PLAGL1: variants seen among roughly 807,000 people sequenced by gnomAD.
The protein encoded by PLAGL1 is zinc finger protein PLAGL1.
PLAGL1 carries 1 observed loss-of-function variant against 4.6 expected under a neutral mutation model. The ratio of observed to expected loss-of-function variants is 0.22; its 90% confidence interval spans 0.08 to 1.03. PLAGL1 has a LOEUF of 1.03. Ranked by LOEUF, PLAGL1 falls within the 50% of genes least tolerant of loss-of-function variation. The pLI is 0.58. For missense variants in PLAGL1, 464 were observed against 570.4 expected (o/e 0.81, Z 1.90); for synonymous variants, 240 against 237.8 (o/e 1.01, Z -0.08).
chr6:143,988,935 C>G (rs1198966200), intron 1 of PLAGL1, among the ~76,000 whole-genome samples: 1 of 152,150 alleles, frequency 6.6e-6, no homozygotes, highest in Non-Finnish European at 1.5e-5. Context: ...TTTGGGGGGA[C>G]ACACACATTC....
rs528015255 is a variant in PLAGL1, at chr6:143,963,634, G to T, written c.-399+1153C>A. Among the ~76,000 whole-genome samples, 1 of 152,274 alleles carries T rather than the reference G, an allele frequency of 6.6e-6. No homozygotes were observed. Among genetic ancestry groups the T allele is most frequent in the East Asian group, 1.9e-4 (1 of 5,184 alleles). On this transcript the variant is annotated intron_variant, in intron 5 of 7. Coordinates refer to ENST00000674357, the MANE Select transcript of PLAGL1 (RefSeq NM_001317162.2). This position sits in a 1 kb window ranked among gnomAD's most constrained non-coding sequence, Gnocchi z 6.1. The stretch of plus-strand genomic sequence containing the variant: ...AGTTAAGCTTGCTGTAGAATCCAGG[G>T]TGCGTGTCAAAAGTCAACCTCTTCC...
Position 144,022,577 on chromosome 6 carries a change from AT to A in PLAGL1, c.-151+41890del, listed in dbSNP as rs1796046967. Among the ~76,000 whole-genome samples the A allele has an allele frequency of 6.6e-6, 1 of 152,038 alleles. No homozygotes were observed. Among genetic ancestry groups the A allele is most frequent in the Admixed American group, 6.5e-5 (1 of 15,268 alleles). ...ATAATTCCCATGTGTTGTGGGAGGG[AT>A]CTGGTGCTGGTAATTGAATCATGGG... On this transcript the variant is annotated intron_variant, in intron 1 of 3. Coordinates refer to the PLAGL1 transcript ENST00000437412. This position sits in a 1 kb window ranked among gnomAD's most constrained non-coding sequence, Gnocchi z 4.2.
rs1298492867 is a variant in PLAGL1 at position 143,964,350 on chromosome 6, A to T, written c.-399+437T>A. On this transcript the variant is annotated intron_variant, in intron 5 of 7. Coordinates refer to ENST00000674357, the MANE Select transcript of PLAGL1 (RefSeq NM_001317162.2). This position sits in a 1 kb window ranked among gnomAD's most constrained non-coding sequence, Gnocchi z 4.3. Reference sequence around the variant, plus strand: ...TCCTCATCTTCCAGAGGCCATGAAAATCTCCAGGTCCTAGGACACACTCCA... The same window carrying T: ...TCCTCATCTTCCAGAGGCCATGAAATTCTCCAGGTCCTAGGACACACTCCA... Among the ~76,000 whole-genome samples the T allele has an allele frequency of 6.6e-6, 1 of 152,052 alleles. No individual in the cohort carries two copies. The highest frequency in any genetic ancestry group is 1.5e-5 in the Non-Finnish European group (1 of 68,012).
rs1302284602 is a variant in PLAGL1 at position 144,006,942 on chromosome 6, G to A, written c.-584+1148C>T. The A allele has an allele frequency of 6.6e-6, 1 of 152,076 alleles. No individual in the cohort carries two copies. The highest frequency in any genetic ancestry group is 1.5e-5 in the Non-Finnish European group (1 of 68,022). The allele number at this position is 152,076 out of a possible 1,614,324, so 9.4% of individuals were successfully genotyped here. A position where few individuals can be genotyped will look rare whatever the true frequency, so the allele number is the denominator to read the frequency against. Reference sequence around the variant, plus strand: ...GAGAGACACTGATGTTCTATTCTCCGTCTGTGTTTTACAAATTCTGATCAT... The same window carrying A: ...GAGAGACACTGATGTTCTATTCTCCATCTGTGTTTTACAAATTCTGATCAT... On this transcript the variant is annotated intron_variant, in intron 1 of 7. Transcript: ENST00000674357. This position sits in a 1 kb window ranked among gnomAD's most constrained non-coding sequence, Gnocchi z 4.3.
chr6:144,009,343 C>T (rs1378846831), upstream of PLAGL1, among the ~76,000 whole-genome samples: 2 of 152,120 alleles, frequency 1.3e-5, no homozygotes, highest in African/African-American at 2.4e-5. Context: ...TTATTTAGTT[C>T]TTGATGGACT....
At position 143,970,013 on chromosome 6, in the gene PLAGL1, G is replaced by T. The variant is rs13218225; in HGVS notation, c.-543-1035C>A. On this transcript the variant is annotated intron_variant, in intron 2 of 7. Coordinates refer to ENST00000674357, the MANE Select transcript of PLAGL1 (RefSeq NM_001317162.2). The surrounding 1 kb of genome is among the most constrained non-coding windows in gnomAD (Gnocchi z 5.8). The stretch of plus-strand genomic sequence containing the variant: ...GTGAAAATAATGAAGACAGGAAATA[G>T]ATCAATAACTTAAACCCATCAACCC... Among the ~76,000 whole-genome samples, 13,677 of 152,130 alleles carry T rather than the reference G, an allele frequency of 0.09. 786 individuals carry two copies. Among genetic ancestry groups the T allele is most frequent in the Non-Finnish European group, 0.14 (9,471 of 67,956 alleles).
rs1583944743 is a variant in PLAGL1 at position 144,063,884 on chromosome 6, C to T, written c.-151+584G>A. The stretch of plus-strand genomic sequence containing the variant: ...CGGTAATCCGGGGTGACGCCACGGC[C>T]CAGGTCTCTTTTCTCCCGGAGTCTG... On this transcript the variant is annotated intron_variant, in intron 1 of 3. Transcript: ENST00000437412. The surrounding 1 kb of genome is among the most constrained non-coding windows in gnomAD (Gnocchi z 5.7). Among the ~76,000 whole-genome samples the T allele has an allele frequency of 6.6e-6, 1 of 152,164 alleles. No homozygotes were observed. Among genetic ancestry groups the T allele is most frequent in the East Asian group, 1.9e-4 (1 of 5,178 alleles).
chr6:144,043,029 C>A (rs1406440543), intron 1 of PLAGL1, among the ~76,000 whole-genome samples: 2 of 152,116 alleles, frequency 1.3e-5, no homozygotes, highest in Non-Finnish European at 2.9e-5. Flanking sequence ...GATTTTGTAT[C>A]CTAAGACTTT....
At chr6:144,043,170 T>G (rs533579724) in intron 1 of PLAGL1, among the ~76,000 whole-genome samples, 1 of 152,334 alleles carries the variant, frequency 6.6e-6, no homozygotes, top group East Asian at 1.9e-4. Flanking sequence ...CTTTATTTCT[T>G]TCTTTTGCCT....
chr6:144,062,470 CAAAAAAAA>C (rs543521128), intron 1 of PLAGL1, among the ~76,000 whole-genome samples: 105 of 75,722 alleles, frequency 1.4e-3, no homozygotes, highest in Middle Eastern at 9.3e-3. Flanking sequence ...GTTATCAGAC[CAAAAAAAA>C]AAAAAAAAAA....
At chr6:144,013,056 G>C (rs191001353), upstream of PLAGL1, among the ~76,000 whole-genome samples, 2 of 152,334 alleles carry the variant, frequency 1.3e-5, no homozygotes, top group Admixed American at 1.3e-4. This position sits in a 1 kb window ranked among gnomAD's most constrained non-coding sequence, Gnocchi z 4.4. Context: ...CTGGACCCAA[G>C]GGTTGCCAGC....
upstream of PLAGL1, among the ~76,000 whole-genome samples, chr6:144,011,579 T>C (rs141843820): frequency 1.2e-3 from 178 of 152,306 alleles, no homozygotes; most frequent in African/African-American, 4.1e-3. This position sits in a 1 kb window ranked among gnomAD's most constrained non-coding sequence, Gnocchi z 4.3. Flanking sequence ...AATTTATAGA[T>C]TATGTTCTTT....
chr6:143,970,627 G>C lies in PLAGL1; in HGVS notation c.-543-1649C>G, dbSNP rs1255596370. ...TGGGTGGACGGGAAACTGTCTAAGA[G>C]GGAAATATCTGGTATTTTTCTACTA... On this transcript the variant is annotated intron_variant, in intron 2 of 7. Transcript: ENST00000674357. This position sits in a 1 kb window ranked among gnomAD's most constrained non-coding sequence, Gnocchi z 5.8. Among the ~76,000 whole-genome samples the C allele has an allele frequency of 6.6e-6, 1 of 152,126 alleles. No individual in the cohort carries two copies. The highest frequency in any genetic ancestry group is 6.6e-5 in the Admixed American group (1 of 15,264).
chr6:143,981,636 A>G (rs1234757818), intron 2 of PLAGL1, among the ~76,000 whole-genome samples: 1 of 152,006 alleles, frequency 6.6e-6, no homozygotes, highest in African/African-American at 2.4e-5. Flanking sequence ...TTTGTTTCAT[A>G]TGTTTTATGG....
rs1339252167 is a variant in PLAGL1, at chr6:143,945,683, G to A, written c.152+2302C>T. On this transcript the variant is annotated intron_variant, in intron 7 of 7. Transcript: ENST00000674357. This position sits in a 1 kb window ranked among gnomAD's most constrained non-coding sequence, Gnocchi z 4.2. The stretch of plus-strand genomic sequence containing the variant: ...GTAGAGACGGGGTTTCACCATGGTG[G>A]CCAGGATTATCTCGATCTGTTGACC... Among the ~76,000 whole-genome samples, 1 of 152,140 alleles carries A rather than the reference G, an allele frequency of 6.6e-6. No individual in the cohort carries two copies. The highest frequency in any genetic ancestry group is 1.5e-5 in the Non-Finnish European group (1 of 68,018).
chr6:143,956,635 T>C (rs1782205198), intron 6 of PLAGL1, among the ~76,000 whole-genome samples: 1 of 152,240 alleles, frequency 6.6e-6, no homozygotes, highest in Non-Finnish European at 1.5e-5. Context: ...TTCTTTGCTA[T>C]ATTTAGCAGA....
rs867912817 is a variant in PLAGL1 at position 144,050,520 on chromosome 6, A to G, written c.-151+13948T>C. On this transcript the variant is annotated intron_variant, in intron 1 of 3. Transcript: ENST00000437412. This position sits in a 1 kb window ranked among gnomAD's most constrained non-coding sequence, Gnocchi z 4.3. The stretch of plus-strand genomic sequence containing the variant: ...GTCTCTTCTCTATGTTTATGTCTCT[A>G]TTATTACATTATAGGCTTATTCTAG... Among the ~76,000 whole-genome samples, 1 of 152,126 alleles carries G rather than the reference A, an allele frequency of 6.6e-6. No individual in the cohort carries two copies. The highest frequency in any genetic ancestry group is 2.4e-5 in the African/African-American group (1 of 41,418).
intron 1 of PLAGL1, among the ~76,000 whole-genome samples, chr6:144,032,820 G>A (rs1796929669): frequency 6.6e-6 from 1 of 152,134 alleles, no homozygotes; most frequent in Admixed American, 6.5e-5. Flanking sequence ...TGGGATTACA[G>A]GCATGAACCA....
chr6:144,057,105 C>T (rs1799029564), intron 1 of PLAGL1, among the ~76,000 whole-genome samples: 1 of 152,136 alleles, frequency 6.6e-6, no homozygotes, highest in African/African-American at 2.4e-5. Flanking sequence ...GTGTAGACTT[C>T]AGTTTTCAAC....
Sources: gnomAD v4.1 joint callset for allele counts (sites outside exome capture counted in the v4.1 genomes callset) on GRCh38, gnomAD v4.1.1 for gene constraint, Gnocchi (gnomAD v3.1) non-coding constraint, MANE v1.5 for transcripts, NCBI Gene and HGNC (gene_info 2026-07-23, HGNC 2026-07-21) for gene names.